Variants in QTGAL observed in about 807,000 individuals in gnomAD.
QTGAL encodes queuosine-tRNA galactosyltransferase.
chr17:83,042,418 T>C, the QTGAL span, among the ~76,000 whole-genome samples: 1 of 152,170 alleles, frequency 6.6e-6, no homozygotes, highest in Admixed American at 6.5e-5. Flanking sequence ...TCTACATTCA[T>C]GAAAATAATT....
At chr17:83,031,041 C>G in the QTGAL span, 1 of 152,250 alleles carries the variant, frequency 6.6e-6, no homozygotes, top group Non-Finnish European at 1.5e-5. Flanking sequence ...AGGACTGGAA[C>G]CCAAATCATT....
the QTGAL span, among the ~76,000 whole-genome samples, chr17:82,974,600 G>A: frequency 6.6e-6 from 1 of 152,190 alleles, no homozygotes; most frequent in East Asian, 1.9e-4. Context: ...AGCTCAGGCT[G>A]TAAATGACCC....
At chr17:82,957,590 G>C in the QTGAL span, 8,670 of 1,446,178 alleles carry the variant, frequency 6.0e-3, 416 homozygotes, top group African/African-American at 0.1. Context: ...AGCTCACGTT[G>C]CCAGTGGAGT....
the QTGAL span, among the ~76,000 whole-genome samples, chr17:82,980,705 G>C: frequency 6.6e-6 from 1 of 151,864 alleles, no homozygotes; most frequent in African/African-American, 2.4e-5. Flanking sequence ...AGGTCCTCTT[G>C]GGGCCCAACA....
At chr17:83,035,103 T>C in the QTGAL span, 5 of 1,610,772 alleles carry the variant, frequency 3.1e-6, no homozygotes, top group South Asian at 2.2e-5. Flanking sequence ...TATCCGACTG[T>C]GGAAAAAAGA....
chr17:82,942,355 T>TC, the QTGAL span: 1 of 1,570,100 alleles, frequency 6.4e-7, no homozygotes, highest in Non-Finnish European at 8.7e-7. Flanking sequence ...ACCGTGTCAG[T>TC]CCCCACACAG....
the QTGAL span, among the ~76,000 whole-genome samples, chr17:82,994,278 C>T: frequency 6.6e-6 from 1 of 151,826 alleles, no homozygotes; most frequent in East Asian, 1.9e-4. Flanking sequence ...AAAGAGAGAA[C>T]ACCCAAATAA....
the QTGAL span, among the ~76,000 whole-genome samples, chr17:82,962,803 G>T: frequency 1.3e-5 from 2 of 152,236 alleles, no homozygotes; most frequent in Admixed American, 1.3e-4. Flanking sequence ...GACCCTTGGG[G>T]TTTTCTTATT....
At chr17:83,007,859 C>T in the QTGAL span, among the ~76,000 whole-genome samples, 4 of 152,308 alleles carry the variant, frequency 2.6e-5, no homozygotes, top group South Asian at 2.1e-4. Flanking sequence ...GGTCTATAAA[C>T]GGAGGAGGTG....
At chr17:83,043,960 A>G in the QTGAL span, among the ~76,000 whole-genome samples, 1 of 137,236 alleles carries the variant, frequency 7.3e-6, no homozygotes, top group Non-Finnish European at 1.6e-5. Flanking sequence ...AAAAATCTCA[A>G]CACACCTATA....
At chr17:83,035,417 C>A in the QTGAL span, among the ~76,000 whole-genome samples, 1 of 152,128 alleles carries the variant, frequency 6.6e-6, no homozygotes, top group Admixed American at 6.5e-5. Flanking sequence ...GATCTGCCCA[C>A]CTCGGCCTCC....
the QTGAL span, among the ~76,000 whole-genome samples, chr17:83,038,644 G>A: frequency 1.1e-4 from 17 of 152,290 alleles, 1 homozygote; most frequent in Admixed American, 3.9e-4. Context: ...GGATCAGGAG[G>A]TCAGGAGATC....
the QTGAL span, among the ~76,000 whole-genome samples, chr17:82,985,021 C>G: frequency 6.6e-6 from 1 of 152,226 alleles, no homozygotes; most frequent in East Asian, 1.9e-4. Flanking sequence ...CCATGCCTCC[C>G]CTTTGGGCCT....
chr17:82,974,018 C>G, the QTGAL span, among the ~76,000 whole-genome samples: 1 of 152,158 alleles, frequency 6.6e-6, no homozygotes, highest in South Asian at 2.1e-4. Flanking sequence ...CACCGTGGGT[C>G]GAGAGGGTGT....
At chr17:83,048,239 G>A in the QTGAL span, among the ~76,000 whole-genome samples, 4 of 152,130 alleles carry the variant, frequency 2.6e-5, no homozygotes, top group Admixed American at 6.5e-5. Flanking sequence ...TGTTGGCCAC[G>A]CTGGTCTTGA....
At chr17:82,973,293 C>A in the QTGAL span, among the ~76,000 whole-genome samples, 1 of 151,942 alleles carries the variant, frequency 6.6e-6, no homozygotes, top group Non-Finnish European at 1.5e-5. Context: ...ATTGAAAACA[C>A]CTGTGACCAT....
At chr17:83,048,336 G>T in the QTGAL span, 1 of 794,666 alleles carries the variant, frequency 1.3e-6, no homozygotes, top group Non-Finnish European at 2.1e-6. Context: ...CCTCTACTAG[G>T]TTCTTAATAA....
chr17:83,018,066 C>T, the QTGAL span, among the ~76,000 whole-genome samples: 1 of 151,348 alleles, frequency 6.6e-6, no homozygotes, highest in African/African-American at 2.4e-5. Context: ...GTATCAGGTA[C>T]CACACGTGCT....
chr17:83,050,710 CG>C, the QTGAL span, among the ~76,000 whole-genome samples: 1 of 152,006 alleles, frequency 6.6e-6, no homozygotes, highest in Admixed American at 6.5e-5. Context: ...CAGCCTCTGC[CG>C]GAGCACGGGG....
Sources: allele counts gnomAD v4.1 joint callset (sites outside exome capture counted in the v4.1 genomes callset), GRCh38; gene constraint gnomAD v4.1.1; transcripts MANE v1.5; gene names NCBI Gene and HGNC (gene_info 2026-07-23, HGNC 2026-07-21).